CADM2: variants seen among roughly 807,000 people sequenced by gnomAD.
CADM2 encodes the protein cell adhesion molecule 2, also known as immunoglobulin superfamily member 4D.
CADM2 carries 12 observed loss-of-function variants against 49.8 expected under a neutral mutation model. The ratio of observed to expected loss-of-function variants is 0.24; its 90% CI spans 0.15 to 0.39. CADM2 has a LOEUF of 0.39. Among genes scored for constraint, CADM2 ranks in the 10% least tolerant of loss-of-function variants. The pLI is 1.00. For missense variants in CADM2, 378 were observed against 492.3 expected (o/e 0.77, Z 2.20); for synonymous variants, 214 against 175.4 (o/e 1.22, Z -1.74).
At chr3:85,908,024 A>G (rs185259464) in intron 5 of CADM2, among the ~76,000 whole-genome samples, 81 of 152,274 alleles carry the variant, frequency 5.3e-4, no homozygotes, top group Middle Eastern at 3.4e-3. Flanking sequence ...TGCTCAAGGC[A>G]TATAAGCACC....
intron 1 of CADM2, among the ~76,000 whole-genome samples, chr3:85,401,568 A>G (rs1374500075): frequency 6.6e-6 from 1 of 152,114 alleles, no homozygotes; most frequent in East Asian, 1.9e-4. Flanking sequence ...GGACACTTAG[A>G]TTGAAGGAGG....
intron 2 of CADM2, among the ~76,000 whole-genome samples, chr3:85,727,605 T>C (rs778109522): frequency 6.6e-6 from 1 of 152,180 alleles, no homozygotes; most frequent in African/African-American, 2.4e-5. Flanking sequence ...TGATAATGAA[T>C]ACATGTCTAT....
intron 1 of CADM2, among the ~76,000 whole-genome samples, chr3:85,354,285 T>C (rs1206200182): frequency 7.3e-6 from 1 of 136,638 alleles, no homozygotes; most frequent in East Asian, 2.2e-4. Context: ...AAATGTGACC[T>C]AGGTGGAAAT....
At chr3:85,912,324 G>T in intron 5 of CADM2, 49 bp from the exon 6 acceptor site, 2 of 1,418,690 alleles carry the variant, frequency 1.4e-6, no homozygotes, top group Admixed American at 2.0e-5. Flanking sequence ...AATGCAATCT[G>T]TTTTATTTTG....
At chr3:85,166,009 A>G (rs978616973) in intron 1 of CADM2, among the ~76,000 whole-genome samples, 1 of 151,624 alleles carries the variant, frequency 6.6e-6, no homozygotes, top group Non-Finnish European at 1.5e-5. Flanking sequence ...TTTTCCCAAC[A>G]GTTTTGTCAA....
At chr3:85,397,035 A>G (rs1268191630) in intron 1 of CADM2, among the ~76,000 whole-genome samples, 1 of 152,088 alleles carries the variant, frequency 6.6e-6, no homozygotes, top group Non-Finnish European at 1.5e-5. Context: ...TATACAAAAT[A>G]TATTTTAAAA....
At chr3:85,899,794 C>T (rs116269647) in intron 5 of CADM2, among the ~76,000 whole-genome samples, 10 of 152,228 alleles carry the variant, frequency 6.6e-5, no homozygotes, top group African/African-American at 1.7e-4. Context: ...GCACCATTTA[C>T]GGTCCTGTTT....
chr3:84,968,783 A>T (rs2031201264), intron 1 of CADM2, among the ~76,000 whole-genome samples: 1 of 152,100 alleles, frequency 6.6e-6, no homozygotes, highest in African/African-American at 2.4e-5. Flanking sequence ...TAACTAGCCC[A>T]TTAACACATC....
At chr3:85,157,468 C>T (rs2040166433) in intron 1 of CADM2, among the ~76,000 whole-genome samples, 1 of 152,190 alleles carries the variant, frequency 6.6e-6, no homozygotes, top group South Asian at 2.1e-4. Flanking sequence ...CCCAAAACAG[C>T]ATGGTACTGG....
intron 1 of CADM2, among the ~76,000 whole-genome samples, chr3:85,015,592 C>G (rs561342763): frequency 1.3e-5 from 2 of 152,050 alleles, no homozygotes; most frequent in Non-Finnish European, 2.9e-5. Flanking sequence ...TAATATAATG[C>G]CTGCCAACAA....
chr3:85,800,821 TG>T (rs1469517489), intron 2 of CADM2: 3 of 152,356 alleles, frequency 2.0e-5, no homozygotes, highest in Non-Finnish European at 4.4e-5. Context: ...TTGGTCTCAC[TG>T]GGAGCTGCAG....
At chr3:85,875,485 A>G (rs1458971320) in intron 3 of CADM2, among the ~76,000 whole-genome samples, 1 of 152,170 alleles carries the variant, frequency 6.6e-6, no homozygotes, top group Non-Finnish European at 1.5e-5. Flanking sequence ...GCTTTCTTAT[A>G]GTTTATTTGA....
At chr3:85,602,989 G>A (rs549923456) in intron 1 of CADM2, among the ~76,000 whole-genome samples, 1 of 151,886 alleles carries the variant, frequency 6.6e-6, no homozygotes, top group African/African-American at 2.4e-5. Flanking sequence ...TACACAAGCA[G>A]AGTTAAGCAA....
intron 7 of CADM2, 70 bp from the exon 8 acceptor site, chr3:85,961,395 AATTG>A (rs1724801872): frequency 7.8e-7 from 1 of 1,278,190 alleles, no homozygotes; most frequent in African/African-American, 1.5e-5. Context: ...AATATTAAAA[AATTG>A]ATTTACTAAA....
At chr3:86,007,513 A>C (rs1285948280) in intron 8 of CADM2, among the ~76,000 whole-genome samples, 2 of 152,144 alleles carry the variant, frequency 1.3e-5, no homozygotes, top group African/African-American at 4.8e-5. Context: ...TCACGTGGGG[A>C]TGGAGGAGCT....
chr3:85,349,131 A>G (rs988642426), intron 1 of CADM2, among the ~76,000 whole-genome samples: 1 of 152,130 alleles, frequency 6.6e-6, no homozygotes, highest in Non-Finnish European at 1.5e-5. Context: ...CCTGTTCTAA[A>G]TGCCATCTTT....
chr3:85,720,209 T>G (rs2067449006), intron 1 of CADM2, among the ~76,000 whole-genome samples: 1 of 152,202 alleles, frequency 6.6e-6, no homozygotes, highest in Non-Finnish European at 1.5e-5. Context: ...TTTGACTATT[T>G]TTTTTGTCCC....
At chr3:85,248,692 G>A (rs1278555995) in intron 1 of CADM2, among the ~76,000 whole-genome samples, 1 of 152,172 alleles carries the variant, frequency 6.6e-6, no homozygotes, top group Non-Finnish European at 1.5e-5. Context: ...AAACATATAA[G>A]TAAGGGTGAT....
chr3:86,029,187 A>G (rs1041897966), intron 8 of CADM2, among the ~76,000 whole-genome samples: 2 of 152,142 alleles, frequency 1.3e-5, no homozygotes, highest in African/African-American at 4.8e-5. Context: ...TTGCTGGGCA[A>G]TTGAAAGCTA....
Sources: allele counts gnomAD v4.1 joint callset (sites outside exome capture counted in the v4.1 genomes callset), GRCh38; gene constraint gnomAD v4.1.1; transcripts MANE v1.5; gene names NCBI Gene and HGNC (gene_info 2026-07-23, HGNC 2026-07-21).